The following AHCTF1 variants were observed in gnomAD, a reference collection of about 807,000 sequenced individuals.
AHCTF1 encodes the protein protein ELYS.
In AHCTF1, 24 loss-of-function variants were observed where a neutral mutation model predicts 248.4. The ratio of observed to expected loss-of-function variants is 0.10; its 90% CI spans 0.07 to 0.14. The LOEUF (loss-of-function observed/expected upper bound fraction) is 0.14. Among genes scored for constraint, AHCTF1 ranks in the 10% least tolerant of loss-of-function variants. AHCTF1 has a pLI of 1.00. For synonymous variants in AHCTF1, 786 were observed against 929.8 expected, an observed-to-expected ratio of 0.85 and a Z score of 2.81; for missense variants, 2,206 against 2,636.2, an observed-to-expected ratio of 0.84 and a Z score of 3.57.
At chr1:246,862,450 A>AG (rs1661636290) in intron 27 of AHCTF1, among the ~76,000 whole-genome samples, 1 of 151,900 alleles carries the variant, frequency 6.6e-6, no homozygotes, top group South Asian at 2.1e-4. Flanking sequence ...ACTGCACTCC[A>AG]GCCTGGGCGA....
At position 246,839,500 on chromosome 1, in the gene AHCTF1, T is replaced by A. The variant is rs551704985; in HGVS notation, c.*1306A>T. 1.0e-6 allele frequency: 1 copy of A among 984,980 alleles called. No homozygotes were observed. The highest frequency in any genetic ancestry group is 1.7e-5 in the African/African-American group (1 of 57,284). 61.0% of individuals were successfully genotyped at this position (984,980 alleles called of 1,614,324 possible). A position where few individuals can be genotyped will look rare whatever the true frequency, so the allele number is the denominator to read the frequency against. On this transcript the variant is annotated 3_prime_UTR_variant, in exon 36 of 36. Coordinates refer to ENST00000648844, the MANE Select transcript of AHCTF1 (RefSeq NM_001323342.2). ...AATAAAATCAAAGTCAGTGAAATTT[T>A]CAACAAGGCAGCGTAACATCCATCA...
rs1307300084 is a variant in AHCTF1, at chr1:246,926,137, T to C, written c.-8+5441A>G. ...GCTCTCCCTTTGCCTTCTGACATGA[T>C]TGGAAGCTTCCTGACACCCTCACCA... On this transcript the variant is annotated intron_variant, in intron 1 of 35. Coordinates refer to ENST00000648844, the MANE Select transcript of AHCTF1 (RefSeq NM_001323342.2). 4.0e-5 allele frequency among the ~76,000 whole-genome samples: 6 copies of C among 151,768 alleles called. No homozygotes were observed. In the East Asian group the frequency reaches 9.7e-4, roughly 24 times the overall value.
intron 24 of AHCTF1, among the ~76,000 whole-genome samples, chr1:246,868,990 G>A (rs375715157): frequency 0.02 from 2,980 of 149,430 alleles, 54 homozygotes; most frequent in South Asian, 0.033. Context: ...GACTACAGGC[G>A]CCCGCCACCA....
chr1:246,878,751 A>G (rs1282261336), intron 21 of AHCTF1, among the ~76,000 whole-genome samples: 1 of 152,188 alleles, frequency 6.6e-6, no homozygotes, highest in Admixed American at 6.5e-5. Context: ...CACTGTTGGC[A>G]GATCAGGGCC....
At chr1:246,879,279 A>C (rs1007466818) in intron 21 of AHCTF1, among the ~76,000 whole-genome samples, 2 of 152,186 alleles carry the variant, frequency 1.3e-5, no homozygotes, top group African/African-American at 4.8e-5. Flanking sequence ...GACAAAAAAT[A>C]TCTGGTACAC....
intron 27 of AHCTF1, 117 bp from the exon 28 acceptor site, chr1:246,862,270 G>A (rs1661618922): frequency 8.1e-6 from 5 of 620,902 alleles, no homozygotes; most frequent in Non-Finnish European, 1.3e-5. Flanking sequence ...CACCAGGTCA[G>A]GAGATCGAGA....
At chr1:246,890,135 G>GGTT in intron 16 of AHCTF1, 76 bp from the exon 17 acceptor site, 1 of 1,071,424 alleles carries the variant, frequency 9.3e-7, no homozygotes, top group Non-Finnish European at 1.4e-6. Flanking sequence ...ATATTTTACT[G>GGTT]TAATTTAATA....
rs762311921 is a variant in AHCTF1, at chr1:246,899,470, C to G, written c.1475G>C (p.Cys492Ser). ...LLNSGVVHLT[C>S]TGFQKETLTF... ...ACCTACCTCCTTCTGAAAGCCAGTA[C>G]AAGTTAAATGAACAACTCCCGAGTT... Residue 492 changes from cysteine (C) to serine (S), a missense_variant, in exon 11 of 36, where the codon TGT (cysteine) becomes TCT (serine). Coordinates refer to ENST00000648844, the MANE Select transcript of AHCTF1 (RefSeq NM_001323342.2). The G allele has an allele frequency of 1.9e-6, 3 of 1,607,748 alleles. No homozygotes were observed. The South Asian group carries it at 3.3e-5, about 18-fold the overall frequency.
chr1:246,885,981 G>A (rs1335098551), intron 20 of AHCTF1, among the ~76,000 whole-genome samples: 4 of 152,130 alleles, frequency 2.6e-5, no homozygotes, highest in Admixed American at 1.3e-4. Flanking sequence ...GAGCTCAGGA[G>A]TTCAAAACCA....
Position 246,891,963 on chromosome 1 carries a change from T to C in AHCTF1, c.1805-44A>G, listed in dbSNP as rs747071652. On this transcript the variant is annotated intron_variant, in intron 14 of 35. Coordinates refer to ENST00000648844, the MANE Select transcript of AHCTF1 (RefSeq NM_001323342.2). ...AAGATAAGTTTCCATACAGTAAATC[T>C]AAATAAATTAGAATCACAATGCAAA... 17 of 1,542,052 alleles carry C rather than the reference T, an allele frequency of 1.1e-5. No individual in the cohort carries two copies. The Admixed American group carries it at 4.1e-4, about 37-fold the overall frequency.
intron 1 of AHCTF1, chr1:246,931,219 G>T (rs777379821): frequency 1.3e-6 from 2 of 1,550,242 alleles, no homozygotes; most frequent in South Asian, 2.4e-5. Context: ...GCCCGCCAAC[G>T]AGTCCATCGC....
chr1:246,876,199 C>A lies in AHCTF1; in HGVS notation c.2938-12G>T. On this transcript the variant is annotated splice_polypyrimidine_tract_variant and intron_variant, in intron 23 of 35. Coordinates refer to ENST00000648844, the MANE Select transcript of AHCTF1 (RefSeq NM_001323342.2). ...GGATCACGATCATTCTATTAAACAT[C>A]AAAATTGGTAAAAAATTTAACCTTC... 6.4e-7 allele frequency: 1 copy of A among 1,555,212 alleles called. No homozygotes were observed. Among genetic ancestry groups the A allele is most frequent in the Non-Finnish European group, 8.7e-7 (1 of 1,145,798 alleles).
At chr1:246,925,963 G>A (rs1666894516) in intron 1 of AHCTF1, among the ~76,000 whole-genome samples, 1 of 150,318 alleles carries the variant, frequency 6.7e-6, no homozygotes, top group African/African-American at 2.4e-5. Flanking sequence ...TACTGGGATT[G>A]CTTGAGCCTG....
chr1:246,925,617 A>T (rs1040116023), intron 1 of AHCTF1, among the ~76,000 whole-genome samples: 1 of 152,088 alleles, frequency 6.6e-6, no homozygotes, highest in Non-Finnish European at 1.5e-5. Flanking sequence ...GTTTCTAAAA[A>T]TATAAAAAAT....
At position 246,900,190 on chromosome 1, in the gene AHCTF1, A is replaced by G; in HGVS notation, c.1307T>C (p.Val436Ala). 6.2e-7 allele frequency: 1 copy of G among 1,607,630 alleles called. No individual in the cohort carries two copies. Among genetic ancestry groups the G allele is most frequent in the Non-Finnish European group, 8.5e-7 (1 of 1,178,284 alleles). Reference protein sequence around the residue: ...SYFALWSLESVVSRTSPHGIL... With the variant: ...SYFALWSLESAVSRTSPHGIL... ...GCCATGTGGAGAAGTCCTACTTACA[A>G]CAGACTCCAATGACCACAGTGCAAA... is the stretch of plus-strand genomic sequence containing the variant. The change falls in exon 10 of 36, where the codon GTT (valine) becomes GCT (alanine). Residue 436 changes from valine to alanine, a missense_variant. By Grantham distance (64) the Val-to-Ala change is moderately conservative. Around this residue, in one of 6 missense-constraint regions of AHCTF1, gnomAD observed 650 missense variants for 870.8 expected, o/e 0.75. Coordinates refer to ENST00000648844, the MANE Select transcript of AHCTF1 (RefSeq NM_001323342.2).
intron 1 of AHCTF1, among the ~76,000 whole-genome samples, chr1:246,924,936 A>G (rs909754968): frequency 6.6e-6 from 1 of 152,118 alleles, no homozygotes; most frequent in South Asian, 2.1e-4. Flanking sequence ...TCCTATACTC[A>G]AGCCTTAGTT....
Position 246,850,138 on chromosome 1 carries a change from T to C in AHCTF1, c.5868A>G (p.Ser1956=), listed in dbSNP as rs1320849788. The part of the protein sequence containing the change: ...SDVREDSNLE[S]SQLTVQAEFD... Reference sequence around the variant, plus strand: ...ATTCTGCTTGAACAGTCAACTGAGATGACTCAAGGTTGGAGTCTTCTCTCA... The same window carrying C: ...ATTCTGCTTGAACAGTCAACTGAGACGACTCAAGGTTGGAGTCTTCTCTCA... Residue 1956 remains serine, a synonymous_variant, in exon 33 of 36, where the codon TCA becomes TCG. Coordinates refer to ENST00000648844, the MANE Select transcript of AHCTF1 (RefSeq NM_001323342.2). 3.1e-6 allele frequency: 5 copies of C among 1,613,874 alleles called. No individual in the cohort carries two copies. In the African/African-American group the frequency reaches 4.0e-5, roughly 13 times the overall value.
At chr1:246,867,454 G>A (rs1662065915) in intron 25 of AHCTF1, 103 bp from the exon 26 acceptor site, 1 of 993,692 alleles carries the variant, frequency 1.0e-6, no homozygotes, top group Non-Finnish European at 1.5e-6. Flanking sequence ...ACTTTGTACA[G>A]TTCTGCATTG....
At position 246,849,884 on chromosome 1, in the gene AHCTF1, A is replaced by T. The variant is rs753642595; in HGVS notation, c.6122T>A (p.Val2041Glu). ...ILVPNEELSM[V>E]MSSKKKLTKK... ...TGTAAGTTTTTTCTTAGAGCTCATC[A>T]CCATCGAAAGTTCCTCGTTTGGCAC... is the stretch of plus-strand genomic sequence containing the variant. Residue 2041 changes from valine to glutamate, a missense_variant, in exon 33 of 36, where the codon GTG (valine) becomes GAG (glutamate). Around this residue, in one of 6 missense-constraint regions of AHCTF1, gnomAD observed 469 missense variants for 470.0 expected, o/e 1.00. Transcript: ENST00000648844. 1.2e-6 allele frequency: 2 copies of T among 1,613,786 alleles called. No individual in the cohort carries two copies. The highest frequency in any genetic ancestry group is 4.5e-5 in the East Asian group (2 of 44,890).
Sources: allele counts gnomAD v4.1 joint callset (sites outside exome capture counted in the v4.1 genomes callset), GRCh38; gene constraint gnomAD v4.1.1; regional missense constraint gnomAD v4.1.1; transcripts MANE v1.5; gene names NCBI Gene and HGNC (gene_info 2026-07-23, HGNC 2026-07-21).